TMEM132D: variants seen among roughly 807,000 people sequenced by gnomAD.
The protein encoded by TMEM132D is transmembrane protein 132D, also known as mature OL transmembrane protein.
Under a neutral mutation model 62.3 loss-of-function variants are expected in TMEM132D, and 21 were observed. That is an observed-to-expected ratio of 0.34 (90% confidence interval 0.24 to 0.49). TMEM132D has a LOEUF of 0.49. TMEM132D is among the 20% of genes least tolerant of loss of function. TMEM132D has a pLI of 0.99. For missense variants in TMEM132D, 1,346 were observed against 1,402.8 expected (o/e 0.96, Z 0.65); for synonymous variants, 621 against 575.6 (o/e 1.08, Z -1.13).
At chr12:129,549,333 C>T (rs1240987110) in intron 2 of TMEM132D, among the ~76,000 whole-genome samples, 1 of 151,136 alleles carries the variant, frequency 6.6e-6, no homozygotes, top group African/African-American at 2.4e-5. Context: ...TGTGTCCCCA[C>T]CCAAATCTCA....
chr12:129,713,418 A>T (rs1006405691), intron 1 of TMEM132D, among the ~76,000 whole-genome samples: 2 of 151,270 alleles, frequency 1.3e-5, no homozygotes. Context: ...TTTTTTTTTA[A>T]TAAAAATTGC....
At chr12:129,586,405 G>T (rs2137131024) in intron 2 of TMEM132D, among the ~76,000 whole-genome samples, 1 of 152,278 alleles carries the variant, frequency 6.6e-6, no homozygotes, top group African/African-American at 2.4e-5. Context: ...TGGCTATAGT[G>T]TCTTAGTCAC....
At position 129,877,606 on chromosome 12, in the gene TMEM132D, C is replaced by CGG. The variant is rs1874461438; in HGVS notation, c.79+25654_79+25655insCC. Among the ~76,000 whole-genome samples, 6 of 91,440 alleles carry CGG rather than the reference C, an allele frequency of 6.6e-5. No individual in the cohort carries two copies. The Admixed American group carries it at 8.8e-4, about 13-fold the overall frequency. The allele number at this position is 91,440 out of a possible 152,430, so 60.0% of individuals were successfully genotyped here. ...TAATAATACCTATTAACCAAACGCG[C>CGG]GCGCGCGCACACACACACACACAGA... On this transcript the variant is annotated intron_variant, in intron 1 of 8. Transcript: ENST00000422113.
intron 2 of TMEM132D, among the ~76,000 whole-genome samples, chr12:129,666,338 G>A (rs961780527): frequency 6.6e-6 from 1 of 152,168 alleles, no homozygotes; most frequent in African/African-American, 2.4e-5. Context: ...ATGTTTACAT[G>A]TAAAAGAGCT....
chr12:129,624,137 G>T (rs985591735), intron 2 of TMEM132D, among the ~76,000 whole-genome samples: 4 of 152,116 alleles, frequency 2.6e-5, no homozygotes, highest in Non-Finnish European at 5.9e-5. Context: ...GACTACATAA[G>T]TCTCTCTGAT....
At chr12:129,864,460 C>G (rs1184473152) in intron 1 of TMEM132D, among the ~76,000 whole-genome samples, 1 of 152,226 alleles carries the variant, frequency 6.6e-6, no homozygotes, top group Non-Finnish European at 1.5e-5. Flanking sequence ...CACATGCCCA[C>G]AGGCAGACCC....
chr12:129,181,067 A>G (rs1223646955), intron 5 of TMEM132D, among the ~76,000 whole-genome samples: 1 of 152,138 alleles, frequency 6.6e-6, no homozygotes, highest in Non-Finnish European at 1.5e-5. Flanking sequence ...GGCTGGACTC[A>G]GGAGTCGCTG....
At chr12:129,846,296 T>C (rs1202980439) in intron 1 of TMEM132D, among the ~76,000 whole-genome samples, 4 of 152,218 alleles carry the variant, frequency 2.6e-5, no homozygotes, top group Non-Finnish European at 4.4e-5. Context: ...TTCCTTCTAT[T>C]TGAAAATGCC....
intron 2 of TMEM132D, among the ~76,000 whole-genome samples, chr12:129,641,421 G>C (rs979488547): frequency 1.3e-5 from 2 of 152,162 alleles, no homozygotes; most frequent in Non-Finnish European, 2.9e-5. Flanking sequence ...GAATGCCTGT[G>C]AAAGGCCCTC....
At chr12:129,436,710 T>C (rs904417130) in intron 3 of TMEM132D, among the ~76,000 whole-genome samples, 3 of 152,180 alleles carry the variant, frequency 2.0e-5, no homozygotes, top group Non-Finnish European at 4.4e-5. Flanking sequence ...AAGCAAGTTT[T>C]AAAATATTTT....
intron 2 of TMEM132D, among the ~76,000 whole-genome samples, chr12:129,555,146 C>T (rs576159848): frequency 1.1e-4 from 17 of 152,246 alleles, no homozygotes; most frequent in South Asian, 8.3e-4. Flanking sequence ...TTCATTTCCA[C>T]GTTGGAAAAG....
chr12:129,672,500 C>T (rs1880524082), intron 2 of TMEM132D, among the ~76,000 whole-genome samples: 1 of 152,126 alleles, frequency 6.6e-6, no homozygotes, highest in South Asian at 2.1e-4. Flanking sequence ...TGTTCCGTAC[C>T]TTGACCCAAA....
intron 1 of TMEM132D, among the ~76,000 whole-genome samples, chr12:129,875,293 T>C (rs1326562807): frequency 6.6e-6 from 1 of 152,220 alleles, no homozygotes; most frequent in African/African-American, 2.4e-5. Flanking sequence ...AGCGCTGATG[T>C]CCGATGGCCT....
intron 4 of TMEM132D, among the ~76,000 whole-genome samples, chr12:129,282,777 C>A (rs567388643): frequency 1.3e-5 from 2 of 152,156 alleles, no homozygotes; most frequent in African/African-American, 4.8e-5. Flanking sequence ...CTCAAGCGTG[C>A]TTCAGATCAT....
At chr12:129,611,594 T>C (rs1428347660) in intron 2 of TMEM132D, among the ~76,000 whole-genome samples, 2 of 152,184 alleles carry the variant, frequency 1.3e-5, no homozygotes, top group African/African-American at 4.8e-5. Flanking sequence ...CTCTCCTCCA[T>C]CCAGTGACTT....
At chr12:129,686,274 G>A (rs1880914609) in intron 2 of TMEM132D, among the ~76,000 whole-genome samples, 1 of 152,116 alleles carries the variant, frequency 6.6e-6, no homozygotes, top group African/African-American at 2.4e-5. Context: ...TTGTGAGAGG[G>A]ACCCGGTGGG....
chr12:129,614,653 G>A (rs977245842), intron 2 of TMEM132D, among the ~76,000 whole-genome samples: 20 of 152,286 alleles, frequency 1.3e-4, no homozygotes, highest in African/African-American at 4.8e-4. Context: ...TGTCTACAGA[G>A]TCCAGATAAA....
intron 2 of TMEM132D, among the ~76,000 whole-genome samples, chr12:129,548,691 C>A (rs1389370922): frequency 7.2e-6 from 1 of 139,378 alleles, no homozygotes. Context: ...TCACACTTCA[C>A]ATGTGACCTC....
At chr12:129,121,003 A>G (rs970532769) in intron 5 of TMEM132D, among the ~76,000 whole-genome samples, 3 of 152,164 alleles carry the variant, frequency 2.0e-5, no homozygotes, top group Admixed American at 2.0e-4. Context: ...GAACCTGTTA[A>G]TATGCTAGGT....
Sources: allele counts gnomAD v4.1 joint callset (sites outside exome capture counted in the v4.1 genomes callset), GRCh38; gene constraint gnomAD v4.1.1; transcripts MANE v1.5; gene names NCBI Gene and HGNC (gene_info 2026-07-23, HGNC 2026-07-21).